The following WASHC2A variants were observed in gnomAD, a reference collection of about 807,000 sequenced individuals.
WASHC2A encodes WASH complex subunit 2A.
A neutral mutation model predicts 140.3 loss-of-function variants in WASHC2A; 82 were observed. The observed-to-expected ratio is 0.58, with a 90% confidence interval of 0.49 to 0.70. The LOEUF is 0.70. WASHC2A is among the 30% of genes least tolerant of loss of function. The pLI is 0.00. For missense variants in WASHC2A, 985 were observed against 1,521.8 expected, an observed-to-expected ratio of 0.65 and a Z score of 5.87; for synonymous variants, 340 against 560.8, an observed-to-expected ratio of 0.61 and a Z score of 5.56.
At chr10:50,077,647 T>A (rs1486967666) in intron 3 of WASHC2A, among the ~76,000 whole-genome samples, 1 of 152,212 alleles carries the variant, frequency 6.6e-6, no homozygotes, top group African/African-American at 2.4e-5. Context: ...GACTTCTTAT[T>A]TCTTTCTTTT....
intron 16 of WASHC2A, 22 bp from the exon 17 acceptor site, chr10:50,099,956 C>T (rs564308805): frequency 5.2e-6 from 4 of 763,258 alleles, no homozygotes; most frequent in African/African-American, 5.9e-5. Flanking sequence ...CTTCCCCACC[C>T]CCCCCCCCAC....
chr10:50,068,151 C>G lies in WASHC2A; in HGVS notation c.50C>G (p.Pro17Arg). The G allele has an allele frequency of 1.9e-6, 3 of 1,602,646 alleles. No individual in the cohort carries two copies. The highest frequency in any genetic ancestry group is 2.2e-5 in the South Asian group (2 of 90,688). The change falls in exon 2 of 31, where the codon CCC (proline) becomes CGC (arginine). Residue 17 changes from proline to arginine, a missense_variant. Physicochemically the swap from Pro to Arg is moderately radical, Grantham distance 103 (BLOSUM62 -2). Transcript: ENST00000282633. Reference sequence around the variant, plus strand: ...CAGGAGCTGGCGCCAGCGTCGGAGCCCGTGTGGGAGCGGCCGTGGTCGGTG... The same window carrying G: ...CAGGAGCTGGCGCCAGCGTCGGAGCGCGTGTGGGAGCGGCCGTGGTCGGTG... Reference protein sequence around the residue: ...PDQELAPASEPVWERPWSVEE... With the variant: ...PDQELAPASERVWERPWSVEE...
At position 50,132,934 on chromosome 10, in the gene WASHC2A, G is replaced by A; in HGVS notation, c.4015G>A (p.Gly1339Arg). 1 of 1,612,048 alleles carries A rather than the reference G, an allele frequency of 6.2e-7. No homozygotes were observed. Residue 1339 changes from glycine (G) to arginine (R), a missense_variant, in exon 31 of 31, where the codon GGA (glycine) becomes AGA (arginine). Gly to Arg is a moderately radical substitution (Grantham distance 125). Transcript: ENST00000282633. ...CTTTGATGATCCCCTGAATGCCTTT[G>A]GAGGCCAGTAGAGCACACAGGGTAT... ...NIFDDPLNAF[G>R]GQ
intron 11 of WASHC2A, 46 bp downstream of exon 11, chr10:50,092,279 A>G (rs1840002333): frequency 1.7e-6 from 2 of 1,162,438 alleles, no homozygotes; most frequent in South Asian, 1.5e-5. Flanking sequence ...CCTGTTGACT[A>G]AGGAATGTTG....
At chr10:50,127,060 A>C in intron 26 of WASHC2A, 100 bp from the exon 27 acceptor site, 1 of 1,324,384 alleles carries the variant, frequency 7.6e-7, no homozygotes, top group Non-Finnish European at 1.1e-6. Context: ...AGCTACAGAA[A>C]GTGACAGTTT....
rs1175632592 is a variant in WASHC2A, at chr10:50,097,740, G to A, written c.1486G>A (p.Val496Ile). ...EEGDLFKEKA[V>I]ASPEATVSQT... ...AGGAGATCTGTTCAAAGAAAAAGCC[G>A]TAGCATCGCCAGAAGCCACTGTGAG... Residue 496 changes from valine (V) to isoleucine (I), a missense_variant, in exon 16 of 31, where the codon GTA (valine) becomes ATA (isoleucine). By Grantham distance (29) the Val-to-Ile change is conservative. Coordinates refer to ENST00000282633, the MANE Select transcript of WASHC2A (RefSeq NM_001005751.3). 13 of 1,606,744 alleles carry A rather than the reference G, an allele frequency of 8.1e-6. No individual in the cohort carries two copies. Among genetic ancestry groups the A allele is most frequent in the Admixed American group, 6.8e-5 (4 of 59,214 alleles).
chr10:50,093,453 A>G, intron 12 of WASHC2A, 67 bp downstream of exon 12: 1 of 760,836 alleles, frequency 1.3e-6, no homozygotes, highest in East Asian at 2.4e-5. Flanking sequence ...GGGAAGATAT[A>G]GGCTTTGCTT....
Position 50,125,449 on chromosome 10 carries a change from G to T in WASHC2A, c.2688G>T (p.Leu896Phe). The T allele has an allele frequency of 6.2e-7, 1 of 1,603,840 alleles. No individual in the cohort carries two copies. The highest frequency in any genetic ancestry group is 1.7e-5 in the Admixed American group (1 of 58,448). Residue 896 changes from leucine to phenylalanine, a missense_variant and splice_region_variant, in exon 25 of 31, where the codon TTG becomes TTT. Coordinates refer to ENST00000282633, the MANE Select transcript of WASHC2A (RefSeq NM_001005751.3). ...DLFSSAKSQPLVQEKKRVVKK... is the reference protein window; with the variant it reads ...DLFSSAKSQPFVQEKKRVVKK... ...TCAGCTCTGCCAAGTCCCAGCCTTTGGTACCAGCCTTTTGTTCTCAATACT... is the reference window on the plus strand; with the variant it reads ...TCAGCTCTGCCAAGTCCCAGCCTTTTGTACCAGCCTTTTGTTCTCAATACT...
At chr10:50,106,616 A>G (rs1430672829) in intron 19 of WASHC2A, 151 bp downstream of exon 19, 3 of 1,259,362 alleles carry the variant, frequency 2.4e-6, no homozygotes, top group Non-Finnish European at 3.3e-6. Context: ...GACGGAAGAC[A>G]TTTAATGTAA....
Position 50,093,294 on chromosome 10 carries a change from C to G in WASHC2A, c.1030C>G (p.Pro344Ala), listed in dbSNP as rs1840112513. The change falls in exon 12 of 31, where the codon CCC becomes GCC. Residue 344 changes from proline to alanine, a missense_variant. By Grantham distance (27) the Pro-to-Ala change is conservative. Coordinates refer to ENST00000282633, the MANE Select transcript of WASHC2A (RefSeq NM_001005751.3). ...DDEEDNLFAP[P>A]KLTDEDFSPF... is the part of the protein sequence containing the mutation. ...TGAAGAGGATAACTTATTCGCACCCCCCAAGCTGACCGACGAGGACTTCTC... is the reference window on the plus strand; with the variant it reads ...TGAAGAGGATAACTTATTCGCACCCGCCAAGCTGACCGACGAGGACTTCTC... 26 of 1,361,774 alleles carry G rather than the reference C, an allele frequency of 1.9e-5. 1 individual carries two copies. The highest frequency in any genetic ancestry group is 2.5e-5 in the Non-Finnish European group (24 of 972,394). 84.4% of individuals were successfully genotyped at this position (1,361,774 alleles called of 1,614,324 possible). A position where few individuals can be genotyped will look rare whatever the true frequency, so the allele number is the denominator to read the frequency against.
In WASHC2A at chr10:50,130,892, C is replaced by T. The variant is rs1764847962; in HGVS notation, c.3709-9C>T. On this transcript the variant is annotated splice_polypyrimidine_tract_variant and intron_variant, in intron 29 of 30. Transcript: ENST00000282633. ...AACATTATTTTGTATGTATTTTTGG[C>T]TTAACAAGGATGATATATTTGCTAC... The T allele has an allele frequency of 6.2e-7, 1 of 1,602,710 alleles. No homozygotes were observed. The highest frequency in any genetic ancestry group is 2.2e-5 in the East Asian group (1 of 44,854).
At position 50,130,961 on chromosome 10, in the gene WASHC2A, A is replaced by G; in HGVS notation, c.3769A>G (p.Thr1257Ala). ...PSQKTREKEK[T>A]LESNLFDDNI... ...TCAGAAAACCAGAGAGAAGGAGAAA[A>G]CATTGGAATCTAATTTATTTGATGA... is the stretch of plus-strand genomic sequence containing the variant. Residue 1257 changes from threonine (T) to alanine (A), a missense_variant, in exon 30 of 31, where the codon ACA becomes GCA. Transcript: ENST00000282633. The G allele has an allele frequency of 6.2e-7, 1 of 1,610,392 alleles. No individual in the cohort carries two copies. Among genetic ancestry groups the G allele is most frequent in the Non-Finnish European group, 8.5e-7 (1 of 1,179,044 alleles).
chr10:50,074,832 C>T (rs1340866666), intron 3 of WASHC2A, among the ~76,000 whole-genome samples: 8 of 152,072 alleles, frequency 5.3e-5, no homozygotes, highest in South Asian at 4.1e-4. Flanking sequence ...AGGAGAAGGG[C>T]GTGAACCCGG....
Position 50,125,921 on chromosome 10 carries a change from A to C in WASHC2A, c.2689-136A>C. 3.1e-6 allele frequency: 3 copies of C among 965,538 alleles called. No individual in the cohort carries two copies. The South Asian group carries it at 5.1e-5, about 17-fold the overall frequency. 59.8% of individuals were successfully genotyped at this position (965,538 alleles called of 1,614,324 possible). The stretch of plus-strand genomic sequence containing the variant: ...TTCAGAATGCTATTTCTGAAATGCT[A>C]CCTTTGAGTTGGTTCAGCCCTCATT... On this transcript the variant is annotated intron_variant, in intron 25 of 30. Coordinates refer to ENST00000282633, the MANE Select transcript of WASHC2A (RefSeq NM_001005751.3).
chr10:50,121,648 C>T (rs1843030703), intron 23 of WASHC2A, among the ~76,000 whole-genome samples: 1 of 149,528 alleles, frequency 6.7e-6, no homozygotes, highest in African/African-American at 2.5e-5. Flanking sequence ...CCTGCCTTAG[C>T]CTCCCGAAGT....
Position 50,072,690 on chromosome 10 carries a change from G to A in WASHC2A, c.291+2979G>A, listed in dbSNP as rs535284394. ...TTTTTAGTAGAGATGGGGTTTCACCGTGTTAGCCAGGATGGTCTCGATCTC... is the reference window on the plus strand; with the variant it reads ...TTTTTAGTAGAGATGGGGTTTCACCATGTTAGCCAGGATGGTCTCGATCTC... On this transcript the variant is annotated intron_variant, in intron 3 of 30. Coordinates refer to ENST00000282633, the MANE Select transcript of WASHC2A (RefSeq NM_001005751.3). 1.3e-3 allele frequency among the ~76,000 whole-genome samples: 202 copies of A among 151,904 alleles called. 4 individuals are homozygous for A. The East Asian group carries it at 0.033, about 25-fold the overall frequency.
intron 17 of WASHC2A, among the ~76,000 whole-genome samples, 181 bp downstream of exon 17, chr10:50,100,245 G>T (rs1415593977): frequency 1.1e-4 from 17 of 152,060 alleles, no homozygotes; most frequent in African/African-American, 3.9e-4. Context: ...CACTTTGGTA[G>T]GCCAAGGCAG....
chr10:50,125,440 C>T lies in WASHC2A; in HGVS notation c.2679C>T (p.Ser893=). Residue 893 remains serine (S), a synonymous_variant, in exon 25 of 31, where the codon TCC becomes TCT. Transcript: ENST00000282633. The part of the protein sequence containing the change: ...EDDDLFSSAK[S]QPLVQEKKRV... ...ATGATCTTTTCAGCTCTGCCAAGTC[C>T]CAGCCTTTGGTACCAGCCTTTTGTT... 1 of 1,608,698 alleles carries T rather than the reference C, an allele frequency of 6.2e-7. No individual in the cohort carries two copies. The highest frequency in any genetic ancestry group is 8.5e-7 in the Non-Finnish European group (1 of 1,178,010).
intron 28 of WASHC2A, among the ~76,000 whole-genome samples, chr10:50,128,378 G>C (rs2805241): frequency 4.5e-4 from 69 of 152,284 alleles, no homozygotes; most frequent in Middle Eastern, 3.4e-3. Flanking sequence ...CCACTTCTGT[G>C]ACTGTGCCCT....
Sources: gnomAD v4.1 joint callset for allele counts (sites outside exome capture counted in the v4.1 genomes callset) on GRCh38, gnomAD v4.1.1 for gene constraint, MANE v1.5 for transcripts, NCBI Gene and HGNC (gene_info 2026-07-23, HGNC 2026-07-21) for gene names.